The following SCYL2 variants were observed in gnomAD, a reference collection of about 807,000 sequenced individuals.
SCYL2 encodes SCY1 like pseudokinase 2.
Under a neutral mutation model 100.4 loss-of-function variants are expected in SCYL2, and 36 were observed. The observed-to-expected ratio is 0.36, with a 90% CI of 0.27 to 0.47. SCYL2 has a LOEUF of 0.47. Ranked by LOEUF, SCYL2 falls within the 20% of genes least tolerant of loss-of-function variation. The probability of loss-of-function intolerance (pLI) is 1.00; values close to 1 mark genes in which losing one functional copy is unlikely to be tolerated. For missense variants in SCYL2, 902 were observed against 1,083.9 expected (o/e 0.83, Z 2.36); for synonymous variants, 330 against 359.2 (o/e 0.92, Z 0.92).
At chr12:100,269,594 T>C (rs904729943) in intron 1 of SCYL2, among the ~76,000 whole-genome samples, 3 of 152,186 alleles carry the variant, frequency 2.0e-5, no homozygotes, top group Non-Finnish European at 2.9e-5. Flanking sequence ...TTAATCCTTA[T>C]AACAATCACT....
chr12:100,322,621 G>A (rs1423193350), intron 10 of SCYL2, among the ~76,000 whole-genome samples: 1 of 151,604 alleles, frequency 6.6e-6, no homozygotes, highest in African/African-American at 2.4e-5. Flanking sequence ...GCTGGGCATG[G>A]GCCAAGGTAG....
chr12:100,300,942 T>C (rs2096326810), intron 4 of SCYL2, among the ~76,000 whole-genome samples: 1 of 152,240 alleles, frequency 6.6e-6, no homozygotes. Context: ...TTGTGAATAG[T>C]GCTGCAACAA....
chr12:100,276,243 T>C (rs1263429819), intron 1 of SCYL2, among the ~76,000 whole-genome samples: 2 of 152,220 alleles, frequency 1.3e-5, no homozygotes, highest in Non-Finnish European at 2.9e-5. Context: ...TTTGATGATA[T>C]ACCCTATTCA....
At chr12:100,295,290 C>T (rs1230580433) in intron 3 of SCYL2, among the ~76,000 whole-genome samples, 4 of 151,608 alleles carry the variant, frequency 2.6e-5, no homozygotes, top group Admixed American at 6.6e-5. Flanking sequence ...ACTTCCCAGA[C>T]GGGGTGGCGG....
At chr12:100,286,557 G>A (rs974188261) in intron 2 of SCYL2, among the ~76,000 whole-genome samples, 10 of 152,170 alleles carry the variant, frequency 6.6e-5, no homozygotes, top group African/African-American at 2.4e-4. Flanking sequence ...TACTTCAGGG[G>A]CTTCATAACA....
chr12:100,336,908 A>G (rs1224966908), intron 16 of SCYL2, among the ~76,000 whole-genome samples: 1 of 152,184 alleles, frequency 6.6e-6, no homozygotes, highest in Non-Finnish European at 1.5e-5. Flanking sequence ...ACAAAATTGT[A>G]AGAGAACATT....
rs150555301 is a variant in SCYL2, at chr12:100,318,280, T to C, written c.1395+355T>C. 3.8e-3 allele frequency among the ~76,000 whole-genome samples: 572 copies of C among 152,106 alleles called. 5 individuals carry two copies. Among genetic ancestry groups the C allele is most frequent in the South Asian group, 0.023 (110 of 4,824 alleles). On this transcript the variant is annotated intron_variant, in intron 10 of 17. Coordinates refer to ENST00000360820, the MANE Select transcript of SCYL2 (RefSeq NM_017988.6). ...ATCTTTCTGCTTCTTTCTAAACTGA[T>C]AATTATGAACAAAAATTCCGAAGAT...
intron 1 of SCYL2, 134 bp from the exon 2 acceptor site, chr12:100,282,809 A>G: frequency 2.4e-6 from 1 of 412,052 alleles, no homozygotes; most frequent in Non-Finnish European, 4.2e-6. Context: ...GATAAAACCA[A>G]CATACAACTT....
At chr12:100,328,591 A>T (rs1952168016) in intron 12 of SCYL2, among the ~76,000 whole-genome samples, 1 of 152,202 alleles carries the variant, frequency 6.6e-6, no homozygotes, top group African/African-American at 2.4e-5. Context: ...AACACTTAGA[A>T]CTCAAAAGCA....
At chr12:100,330,274 T>G (rs1209786687) in intron 13 of SCYL2, among the ~76,000 whole-genome samples, 1 of 152,198 alleles carries the variant, frequency 6.6e-6, no homozygotes, top group Non-Finnish European at 1.5e-5. Flanking sequence ...GGTTTAGGTA[T>G]TTGAACTTTC....
At chr12:100,295,570 G>A (rs1230247053) in intron 3 of SCYL2, among the ~76,000 whole-genome samples, 1 of 151,802 alleles carries the variant, frequency 6.6e-6, no homozygotes, top group African/African-American at 2.4e-5. Context: ...GTGGCAGCGC[G>A]TGCCTGCAAT....
At chr12:100,289,717 T>A (rs1330069883) in intron 2 of SCYL2, among the ~76,000 whole-genome samples, 13 of 152,164 alleles carry the variant, frequency 8.5e-5, no homozygotes, top group Admixed American at 8.5e-4. Context: ...ACATAATAAA[T>A]GGAGGAGTGA....
In SCYL2 at chr12:100,338,554, G is replaced by A. The variant is rs200025285; in HGVS notation, c.2172G>A (p.Met724Ile). 88 of 1,610,376 alleles carry A rather than the reference G, an allele frequency of 5.5e-5. No homozygotes were observed. The highest frequency in any genetic ancestry group is 7.1e-5 in the Non-Finnish European group (84 of 1,178,108). The change falls in exon 18 of 18, where the codon ATG becomes ATA. Residue 724 changes from methionine to isoleucine, a missense_variant. By Grantham distance (10) the Met-to-Ile change is conservative. Coordinates refer to ENST00000360820, the MANE Select transcript of SCYL2 (RefSeq NM_017988.6). ...KQTKDLTDTLMDNMSSLTSLS... is the reference protein window; with the variant it reads ...KQTKDLTDTLIDNMSSLTSLS... ...CTAAGGACTTGACAGACACACTGATGGATAATATGTCATCCTTGACCAGCC... is the reference window on the plus strand; with the variant it reads ...CTAAGGACTTGACAGACACACTGATAGATAATATGTCATCCTTGACCAGCC...
intron 3 of SCYL2, 83 bp downstream of exon 3, chr12:100,291,743 A>G (rs2096310930): frequency 7.4e-7 from 1 of 1,344,958 alleles, no homozygotes; most frequent in Non-Finnish European, 1.0e-6. Context: ...TGTTTCAAGT[A>G]TTGTCAGTGA....
chr12:100,286,108 C>T lies in SCYL2; in HGVS notation c.177+2961C>T, dbSNP rs192002451. Among the ~76,000 whole-genome samples, 27 of 152,224 alleles carry T rather than the reference C, an allele frequency of 1.8e-4. No individual in the cohort carries two copies. In the East Asian group the frequency reaches 5.2e-3, roughly 29 times the overall value. ...ATTTCTAATAAAACACCATATACAT[C>T]TAATTTCTGTCTCAGCTATGTCCCT... On this transcript the variant is annotated intron_variant, in intron 2 of 17. Coordinates refer to ENST00000360820, the MANE Select transcript of SCYL2 (RefSeq NM_017988.6).
Position 100,295,591 on chromosome 12 carries a change from C to G in SCYL2, c.336-2440C>G, listed in dbSNP as rs1036772031. On this transcript the variant is annotated intron_variant, in intron 3 of 17. Transcript: ENST00000360820. ...GCGCGTGCCTGCAATCGCAGGCACT[C>G]GGCAGGCTGAGGCAGGAGAATCAGG... Among the ~76,000 whole-genome samples the G allele has an allele frequency of 4.6e-5, 7 of 151,748 alleles. No homozygotes were observed. In the South Asian group the frequency reaches 1.0e-3, roughly 23 times the overall value.
At chr12:100,321,484 A>C (rs1453106468) in intron 10 of SCYL2, among the ~76,000 whole-genome samples, 1 of 152,140 alleles carries the variant, frequency 6.6e-6, no homozygotes, top group Non-Finnish European at 1.5e-5. Context: ...GCCCCCAGTC[A>C]TCCCTCTGTT....
rs1454614137 is a variant in SCYL2 at position 100,339,146 on chromosome 12, A to G, written c.2764A>G (p.Asn922Asp). 4 of 1,613,072 alleles carry G rather than the reference A, an allele frequency of 2.5e-6. No individual in the cohort carries two copies. The highest frequency in any genetic ancestry group is 3.4e-6 in the Non-Finnish European group (4 of 1,179,640). ...TTMTNSSSASNDLKDLFG is the reference protein window; with the variant it reads ...TTMTNSSSASDDLKDLFG Reference sequence around the variant, plus strand: ...TATGACCAATAGCAGTTCAGCTAGCAATGATTTAAAAGATCTTTTTGGGTG... The same window carrying G: ...TATGACCAATAGCAGTTCAGCTAGCGATGATTTAAAAGATCTTTTTGGGTG... Residue 922 changes from asparagine to aspartate, a missense_variant, in exon 18 of 18, where the codon AAT becomes GAT. By Grantham distance (23) the Asn-to-Asp change is conservative (BLOSUM62 1). Coordinates refer to ENST00000360820, the MANE Select transcript of SCYL2 (RefSeq NM_017988.6).
intron 1 of SCYL2, among the ~76,000 whole-genome samples, chr12:100,281,365 A>G (rs1034405809): frequency 2.0e-5 from 3 of 152,130 alleles, no homozygotes; most frequent in Non-Finnish European, 2.9e-5. Context: ...GAATGTAATT[A>G]TTGTTTTAAT....
Sources: allele counts gnomAD v4.1 joint callset (sites outside exome capture counted in the v4.1 genomes callset), GRCh38; gene constraint gnomAD v4.1.1; transcripts MANE v1.5; gene names NCBI Gene and HGNC (gene_info 2026-07-23, HGNC 2026-07-21).